MAF: variants seen among roughly 807,000 people sequenced by gnomAD.
The protein encoded by MAF is MAF bZIP transcription factor, also known as transcription factor Maf.
Under a neutral mutation model 22.0 loss-of-function variants are expected in MAF, and 10 were observed. The ratio of observed to expected loss-of-function variants is 0.45; its 90% confidence interval spans 0.28 to 0.77. The LOEUF (loss-of-function observed/expected upper bound fraction) is 0.77. Ranked by LOEUF, MAF falls within the 30% of genes least tolerant of loss-of-function variation. The pLI, the probability that MAF is intolerant of heterozygous loss-of-function variation, is 0.12. For synonymous variants in MAF, 337 were observed against 255.8 expected (o/e 1.32, Z -3.03); for missense variants, 544 against 548.4 (o/e 0.99, Z 0.08).
In MAF at chr16:79,598,535, C is replaced by A. The variant is rs917257408; in HGVS notation, c.1118+250G>T. ...CATGAGCCAGACACCCATTCCCTCC[C>A]CAGTTTAAAACAGCCACCACCACCA... On this transcript the variant is annotated intron_variant, in intron 1 of 1. Transcript: ENST00000326043. 7.1e-5 allele frequency: 101 copies of A among 1,415,932 alleles called. 1 individual carries two copies. The South Asian group carries it at 1.3e-3, about 18-fold the overall frequency. 87.7% of individuals were successfully genotyped at this position (1,415,932 alleles called of 1,614,324 possible). A position where few individuals can be genotyped will look rare whatever the true frequency, so the allele number is the denominator to read the frequency against.
chr16:79,364,654 G>A, the MAF span, among the ~76,000 whole-genome samples: 7 of 152,170 alleles, frequency 4.6e-5, no homozygotes, highest in Non-Finnish European at 8.8e-5. Flanking sequence ...CGTGGTGTCA[G>A]TTTCCAGAAT....
the MAF span, among the ~76,000 whole-genome samples, chr16:79,271,366 C>A: frequency 3.3e-5 from 5 of 152,134 alleles, no homozygotes; most frequent in African/African-American, 4.8e-5. Flanking sequence ...TATGTAAATA[C>A]CCTTAAATCT....
chr16:79,457,471 G>A, the MAF span, among the ~76,000 whole-genome samples: 1 of 150,608 alleles, frequency 6.6e-6, no homozygotes, highest in Non-Finnish European at 1.5e-5. Context: ...TACTAAAAGT[G>A]TCAAGAGCAA....
At chr16:79,216,982 G>A in the MAF span, among the ~76,000 whole-genome samples, 109 of 151,378 alleles carry the variant, frequency 7.2e-4, 3 homozygotes, top group East Asian at 0.019. Flanking sequence ...GCTAATTTTT[G>A]TGTTTTTAGT....
intron 1 of MAF, among the ~76,000 whole-genome samples, chr16:79,587,344 C>G (rs1388334164): frequency 2.0e-5 from 3 of 151,762 alleles, no homozygotes; most frequent in Non-Finnish European, 4.4e-5. Flanking sequence ...GTGATAAAAC[C>G]TGGAAGTGTA....
chr16:79,436,971 C>A, the MAF span, among the ~76,000 whole-genome samples: 1 of 152,208 alleles, frequency 6.6e-6, no homozygotes, highest in East Asian at 1.9e-4. Flanking sequence ...AGTGAGAGAT[C>A]TGACTATTTG....
chr16:79,540,916 A>G, the MAF span, among the ~76,000 whole-genome samples: 2 of 152,174 alleles, frequency 1.3e-5, no homozygotes, highest in South Asian at 2.1e-4. Context: ...TACTTTTACC[A>G]TTAATACGAT....
chr16:79,571,850 G>A, the MAF span, among the ~76,000 whole-genome samples: 1 of 152,022 alleles, frequency 6.6e-6, no homozygotes, highest in African/African-American at 2.4e-5. Context: ...TCATTTCTTT[G>A]CAGGAAGTTT....
chr16:79,520,868 G>C, the MAF span, among the ~76,000 whole-genome samples: 2 of 152,076 alleles, frequency 1.3e-5, no homozygotes, highest in Admixed American at 1.3e-4. Flanking sequence ...CATGTGCCTG[G>C]GACCCTGCTA....
the MAF span, among the ~76,000 whole-genome samples, chr16:79,573,224 G>A: frequency 3.9e-5 from 6 of 152,058 alleles, no homozygotes; most frequent in Non-Finnish European, 7.4e-5. Context: ...TCATATTTTT[G>A]TTGTGTTTTT....
At chr16:79,326,241 T>C in the MAF span, among the ~76,000 whole-genome samples, 74 of 152,308 alleles carry the variant, frequency 4.9e-4, no homozygotes, top group Admixed American at 4.2e-3. Flanking sequence ...AATAACAGTA[T>C]CAACCTCATA....
chr16:79,535,653 C>T, the MAF span, among the ~76,000 whole-genome samples: 393 of 138,208 alleles, frequency 2.8e-3, no homozygotes, highest in Middle Eastern at 5.0e-3. Flanking sequence ...GCAATGGTGA[C>T]ATCTCGGTCA....
chr16:79,382,614 G>C, the MAF span, among the ~76,000 whole-genome samples: 1 of 152,210 alleles, frequency 6.6e-6, no homozygotes, highest in African/African-American at 2.4e-5. Flanking sequence ...TGACGAAAAA[G>C]TGGTAATATT....
chr16:79,356,639 T>C, the MAF span, among the ~76,000 whole-genome samples: 1 of 152,150 alleles, frequency 6.6e-6, no homozygotes, highest in East Asian at 1.9e-4. Flanking sequence ...CACAGGGCCT[T>C]TGGATGTGCT....
the MAF span, among the ~76,000 whole-genome samples, chr16:79,399,617 G>T: frequency 3.9e-5 from 6 of 152,092 alleles, no homozygotes; most frequent in South Asian, 8.3e-4. Context: ...AGCCAGGGAG[G>T]GGTGTTTTTG....
the MAF span, among the ~76,000 whole-genome samples, chr16:79,371,539 G>A: frequency 4.6e-5 from 7 of 151,930 alleles, no homozygotes; most frequent in Admixed American, 2.0e-4. Flanking sequence ...CTTCCAAATC[G>A]CCTTCTAGGC....
the MAF span, among the ~76,000 whole-genome samples, chr16:79,437,138 C>CTGTGTG: frequency 4.6e-5 from 1 of 21,706 alleles, no homozygotes; most frequent in Non-Finnish European, 1.1e-4. Flanking sequence ...AGAAAGCTCT[C>CTGTGTG]TCTCTCTCTG....
At position 79,599,430 on chromosome 16, in the gene MAF, C is replaced by G. The variant is rs1296186188; in HGVS notation, c.473G>C (p.Gly158Ala). The change falls in exon 1 of 2, where the codon GGC becomes GCC. Residue 158 changes from glycine to alanine, a missense_variant. This residue lies in a region of MAF where 342 missense variants were observed against 315.5 expected (regional missense o/e 1.08). Coordinates refer to ENST00000326043, the MANE Select transcript of MAF (RefSeq NM_005360.5). ...ASLGGSGEEMGPAAAVVSAVI... is the reference protein window; with the variant it reads ...ASLGGSGEEMAPAAAVVSAVI... ...GGCGGACACCACGGCGGCGGCGGGGCCCATCTCCTCGCCGCTGCCGCCCAA... is the reference window on the plus strand; with the variant it reads ...GGCGGACACCACGGCGGCGGCGGGGGCCATCTCCTCGCCGCTGCCGCCCAA... 8.2e-7 allele frequency: 1 copy of G among 1,217,368 alleles called. No homozygotes were observed. Among genetic ancestry groups the G allele is most frequent in the South Asian group, 3.9e-5 (1 of 25,848 alleles). 75.4% of individuals were successfully genotyped at this position (1,217,368 alleles called of 1,614,324 possible).
At chr16:79,354,848 G>GA in the MAF span, among the ~76,000 whole-genome samples, 2 of 152,090 alleles carry the variant, frequency 1.3e-5, no homozygotes, top group Admixed American at 1.3e-4. Context: ...CACACACACA[G>GA]AAAAAAATAA....
Sources: allele counts gnomAD v4.1 joint callset (sites outside exome capture counted in the v4.1 genomes callset), GRCh38; gene constraint gnomAD v4.1.1; regional missense constraint gnomAD v4.1.1; transcripts MANE v1.5; gene names NCBI Gene and HGNC (gene_info 2026-07-23, HGNC 2026-07-21).